The following IRAK3 variants were observed in gnomAD, a reference collection of about 807,000 sequenced individuals.
IRAK3 encodes interleukin-1 receptor-associated kinase 3.
Under a neutral mutation model 56.6 loss-of-function variants are expected in IRAK3, and 57 were observed. That is an observed-to-expected ratio of 1.01 (90% CI 0.81 to 1.26). The LOEUF (loss-of-function observed/expected upper bound fraction) is 1.26, where lower values mean the gene tolerates loss of function less well. Ranked by LOEUF, IRAK3 falls within the 50% of genes most tolerant of loss-of-function variation. The pLI is 0.00. For synonymous variants in IRAK3, 258 were observed against 255.7 expected, an observed-to-expected ratio of 1.01 and a Z score of -0.09; for missense variants, 703 against 719.0, an observed-to-expected ratio of 0.98 and a Z score of 0.25.
Position 66,232,330 on chromosome 12 carries a change from T to C in IRAK3, c.887+3960T>C, listed in dbSNP as rs150376832. ...TTGAGAACTGTGGTTTCACAAGGGC[T>C]CATCAATGTGTCCCTGCCTGTTCCA... On this transcript the variant is annotated intron_variant, in intron 8 of 11. Coordinates refer to ENST00000261233, the MANE Select transcript of IRAK3 (RefSeq NM_007199.3). 2.2e-3 allele frequency among the ~76,000 whole-genome samples: 340 copies of C among 152,338 alleles called. 2 individuals are homozygous for C. The highest frequency in any genetic ancestry group is 8.0e-3 in the African/African-American group (331 of 41,570).
Position 66,189,329 on chromosome 12 carries a change from G to C in IRAK3, c.30G>C (p.Ala10=). Residue 10 remains alanine (A), a synonymous_variant, in exon 1 of 12, where the codon GCG becomes GCC. Transcript: ENST00000261233. ...CGGGGAACTGTGGGGCCCGCGGCGC[G>C]CTGTCGGCGCACACGCTGCTGTTCG... is the stretch of plus-strand genomic sequence containing the variant. MAGNCGARG[A]LSAHTLLFDL... is the part of the protein sequence containing the mutation. The C allele has an allele frequency of 1.3e-6, 2 of 1,533,022 alleles. No homozygotes were observed. Among genetic ancestry groups the C allele is most frequent in the African/African-American group, 2.7e-5 (2 of 73,078 alleles). The allele number at this position is 1,533,022 out of a possible 1,614,324, so 95.0% of individuals were successfully genotyped here.
chr12:66,213,718 C>T (rs1258180230), intron 5 of IRAK3, among the ~76,000 whole-genome samples: 1 of 151,350 alleles, frequency 6.6e-6, no homozygotes, highest in Non-Finnish European at 1.5e-5. Context: ...TGTGGGAACG[C>T]CTTACTTTCC....
chr12:66,247,485 A>G (rs533348524), intron 11 of IRAK3, among the ~76,000 whole-genome samples: 3 of 152,308 alleles, frequency 2.0e-5, no homozygotes, highest in Middle Eastern at 3.4e-3. Flanking sequence ...ACTTTAGTGT[A>G]GTTTCTTTTA....
At chr12:66,212,856 A>G (rs191385000) in intron 5 of IRAK3, among the ~76,000 whole-genome samples, 2 of 152,166 alleles carry the variant, frequency 1.3e-5, no homozygotes, top group Non-Finnish European at 2.9e-5. Flanking sequence ...AGGGGAGGGG[A>G]ACATCACACA....
chr12:66,203,642 G>T lies in IRAK3; in HGVS notation c.134-69G>T, dbSNP rs189257691. The T allele has an allele frequency of 5.5e-3, 7,392 of 1,332,816 alleles. 22 individuals carry two copies. The highest frequency in any genetic ancestry group is 7.3e-3 in the Non-Finnish European group (6,803 of 931,738). The allele number at this position is 1,332,816 out of a possible 1,614,324, so 82.6% of individuals were successfully genotyped here. On this transcript the variant is annotated intron_variant, in intron 1 of 11. Transcript: ENST00000261233. ...TAAATAAGAGGAAATAAAACATTAG[G>T]TACACAAAAACAAGTATTTTGATAA...
In IRAK3 at chr12:66,248,070, T is replaced by C; in HGVS notation, c.1690T>C (p.Ser564Pro). The C allele has an allele frequency of 1.3e-6, 2 of 1,590,632 alleles. No homozygotes were observed. Among genetic ancestry groups the C allele is most frequent in the Non-Finnish European group, 1.7e-6 (2 of 1,171,334 alleles). ...LRPYKVNIDP[S>P]SEAPGHSCRS... ...GCCCTATAAGGTAAATATAGATCCT[T>C]CTTCAGAAGCTCCAGGGCATTCTTG... is the stretch of plus-strand genomic sequence containing the variant. The change falls in exon 12 of 12, where the codon TCT (serine) becomes CCT (proline). Residue 564 changes from serine to proline, a missense_variant. Coordinates refer to ENST00000261233, the MANE Select transcript of IRAK3 (RefSeq NM_007199.3).
intron 1 of IRAK3, among the ~76,000 whole-genome samples, chr12:66,193,680 A>G (rs975645969): frequency 6.6e-6 from 1 of 151,868 alleles, no homozygotes; most frequent in Non-Finnish European, 1.5e-5. Context: ...CTGTTCCTCA[A>G]CTGCGATTTG....
At position 66,228,318 on chromosome 12, in the gene IRAK3, C is replaced by A; in HGVS notation, c.835C>A (p.His279Asn). The change falls in exon 8 of 12, where the codon CAC becomes AAC. Residue 279 changes from histidine to asparagine, a missense_variant. His to Asn is a moderately conservative substitution (Grantham distance 68). Transcript: ENST00000261233. ...GILIGISKAI[H>N]YLHNVQPCSV... The stretch of plus-strand genomic sequence containing the variant: ...ATTAATAGGAATATCCAAAGCCATT[C>A]ACTACCTGCACAACGTTCAACCATG... 1 of 1,614,140 alleles carries A rather than the reference C, an allele frequency of 6.2e-7. No homozygotes were observed. Among genetic ancestry groups the A allele is most frequent in the Non-Finnish European group, 8.5e-7 (1 of 1,179,978 alleles).
intron 5 of IRAK3, 148 bp downstream of exon 5, chr12:66,211,745 T>C (rs968992166): frequency 1.2e-5 from 8 of 693,510 alleles, no homozygotes; most frequent in Admixed American, 4.9e-5. Flanking sequence ...TTCAGATGAC[T>C]GGAGAAGTAA....
rs2053085598 is a variant in IRAK3, at chr12:66,250,428, A to G, written c.*2257A>G. On this transcript the variant is annotated 3_prime_UTR_variant, in exon 12 of 12. Transcript: ENST00000261233. ...AGACCAAGGTCAGAAACATGGAGTT[A>G]CAATTTTCCAAAAAAGCACGAAGTG... The G allele has an allele frequency of 6.6e-6, 1 of 152,252 alleles. No homozygotes were observed. Among genetic ancestry groups the G allele is most frequent in the Non-Finnish European group, 1.5e-5 (1 of 68,042 alleles). 9.4% of individuals were successfully genotyped at this position (152,252 alleles called of 1,614,324 possible).
intron 8 of IRAK3, among the ~76,000 whole-genome samples, chr12:66,233,786 C>CT (rs113771362): frequency 0.041 from 5,694 of 140,078 alleles, 133 homozygotes; most frequent in African/African-American, 0.057. Context: ...TTTTCTTTTT[C>CT]TTTTTTTTTT....
intron 5 of IRAK3, among the ~76,000 whole-genome samples, chr12:66,212,417 G>C (rs193144540): frequency 6.6e-6 from 1 of 152,294 alleles, no homozygotes; most frequent in East Asian, 1.9e-4. Flanking sequence ...ATCAAGCTCA[G>C]GAGTCAGTCA....
chr12:66,232,109 A>C (rs1353518570), intron 8 of IRAK3, among the ~76,000 whole-genome samples: 1 of 152,230 alleles, frequency 6.6e-6, no homozygotes, highest in Non-Finnish European at 1.5e-5. Context: ...ATCAGAAACA[A>C]GAATATTATG....
At chr12:66,215,531 C>G (rs2052660953) in intron 5 of IRAK3, among the ~76,000 whole-genome samples, 1 of 152,096 alleles carries the variant, frequency 6.6e-6, no homozygotes, top group African/African-American at 2.4e-5. Context: ...GTCTTTGTAT[C>G]CTAGTGCCTT....
intron 1 of IRAK3, among the ~76,000 whole-genome samples, chr12:66,198,477 C>T (rs189459282): frequency 5.9e-5 from 9 of 152,234 alleles, no homozygotes; most frequent in Admixed American, 3.9e-4. Context: ...CCCCACGACA[C>T]GACACTTCTA....
intron 6 of IRAK3, among the ~76,000 whole-genome samples, chr12:66,223,630 G>A (rs1365622846): frequency 1.3e-5 from 2 of 149,468 alleles, no homozygotes; most frequent in African/African-American, 2.5e-5. Context: ...CTGCACTCCA[G>A]CCTGGGCAAC....
chr12:66,213,728 C>G (rs570288196), intron 5 of IRAK3, among the ~76,000 whole-genome samples: 1 of 151,180 alleles, frequency 6.6e-6, no homozygotes, highest in South Asian at 2.1e-4. Context: ...CCTTACTTTC[C>G]TCTCAATTTT....
At chr12:66,190,927 A>G (rs1477613142) in intron 1 of IRAK3, among the ~76,000 whole-genome samples, 1 of 152,218 alleles carries the variant, frequency 6.6e-6, no homozygotes, top group African/African-American at 2.4e-5. Context: ...TAAAGTACAG[A>G]CATTTCTGGC....
chr12:66,216,240 G>C (rs2052675757), intron 5 of IRAK3, among the ~76,000 whole-genome samples: 1 of 152,208 alleles, frequency 6.6e-6, no homozygotes, highest in African/African-American at 2.4e-5. Context: ...GCGAGTGTTA[G>C]AGATGGGCGG....
Sources: allele counts gnomAD v4.1 joint callset (sites outside exome capture counted in the v4.1 genomes callset), GRCh38; gene constraint gnomAD v4.1.1; transcripts MANE v1.5; gene names NCBI Gene and HGNC (gene_info 2026-07-23, HGNC 2026-07-21).